FGF20: variants seen among roughly 807,000 people sequenced by gnomAD.
The protein encoded by FGF20 is fibroblast growth factor 20.
In FGF20, 8 loss-of-function variants were observed where a neutral mutation model predicts 16.7. The observed-to-expected ratio is 0.48, with a 90% CI of 0.28 to 0.87. The LOEUF (loss-of-function observed/expected upper bound fraction) is 0.87. FGF20 is among the 40% of genes least tolerant of loss of function. FGF20 has a pLI of 0.10. For synonymous variants in FGF20, 161 were observed against 118.6 expected, an observed-to-expected ratio of 1.36 and a Z score of -2.32; for missense variants, 397 against 281.4, an observed-to-expected ratio of 1.41 and a Z score of -2.94.
At chr8:16,995,622 A>G (rs36060918) in intron 2 of FGF20, 33 bp downstream of exon 2, 5 of 926,682 alleles carry the variant, frequency 5.4e-6, no homozygotes, top group African/African-American at 5.1e-5. Context: ...TTTAAGAATT[A>G]CAATAATAAT....
chr8:17,001,814 G>T lies in FGF20; in HGVS notation c.219C>A (p.Thr73=). The change falls in exon 1 of 3, where the codon ACC becomes ACA. Residue 73 remains threonine, a synonymous_variant. Coordinates refer to ENST00000180166, the MANE Select transcript of FGF20 (RefSeq NM_019851.3). ...ILRRRQLYCR[T]GFHLQILPDG... is the part of the protein sequence containing the mutation. ...CGGGCAGGATCTGCAGGTGGAAGCCGGTGCGGCAATAGAGCTGCCGGCGGC... is the reference window on the plus strand; with the variant it reads ...CGGGCAGGATCTGCAGGTGGAAGCCTGTGCGGCAATAGAGCTGCCGGCGGC... 6.4e-7 allele frequency: 1 copy of T among 1,554,940 alleles called. No individual in the cohort carries two copies. The highest frequency in any genetic ancestry group is 8.7e-7 in the Non-Finnish European group (1 of 1,155,304).
chr8:17,001,668 A>C, intron 1 of FGF20, 79 bp downstream of exon 1: 1 of 1,413,580 alleles, frequency 7.1e-7, no homozygotes, highest in Non-Finnish European at 9.3e-7. Flanking sequence ...TTGGCAGGCA[A>C]AGAGGGAGGT....
chr8:16,999,403 G>C (rs189444326), intron 1 of FGF20, among the ~76,000 whole-genome samples: 1 of 151,352 alleles, frequency 6.6e-6, no homozygotes, highest in African/African-American at 2.4e-5. Flanking sequence ...ATGTTATCAA[G>C]TCTACAAATA....
In FGF20 at chr8:16,993,179, C is replaced by G. The variant is rs1360206014; in HGVS notation, c.529G>C (p.Asp177His). 3.1e-6 allele frequency: 5 copies of G among 1,613,974 alleles called. No homozygotes were observed. The highest frequency in any genetic ancestry group is 4.2e-6 in the Non-Finnish European group (5 of 1,180,010). Residue 177 changes from aspartate to histidine, a missense_variant, in exon 3 of 3, where the codon GAT becomes CAT. Physicochemically the swap from Asp to His is moderately conservative, Grantham distance 81. Transcript: ENST00000180166. Reference sequence around the variant, plus strand: ...TGATGCCTCTTGGACCTGGCGCCATCTCTTGGAGTTCCGTCTTTGTTAAGT... The same window carrying G: ...TGATGCCTCTTGGACCTGGCGCCATGTCTTGGAGTTCCGTCTTTGTTAAGT... ...VALNKDGTPRDGARSKRHQKF... is the reference protein window; with the variant it reads ...VALNKDGTPRHGARSKRHQKF...
chr8:17,000,546 T>C (rs1810158442), intron 1 of FGF20, among the ~76,000 whole-genome samples: 1 of 152,138 alleles, frequency 6.6e-6, no homozygotes, highest in Admixed American at 6.5e-5. Context: ...GACAAATTAA[T>C]GGTATCTTTT....
chr8:16,992,396 A>G lies in FGF20; in HGVS notation c.*676T>C, dbSNP rs1447913288. On this transcript the variant is annotated 3_prime_UTR_variant, in exon 3 of 3. Transcript: ENST00000180166. ...TCTTTACAGAGCAAGACACCACAATAAAGTAATGGCACAATAACGGAAGTT... is the reference window on the plus strand; with the variant it reads ...TCTTTACAGAGCAAGACACCACAATGAAGTAATGGCACAATAACGGAAGTT... 4 of 152,060 alleles carry G rather than the reference A, an allele frequency of 2.6e-5. No individual in the cohort carries two copies. Among genetic ancestry groups the G allele is most frequent in the Admixed American group, 6.5e-5 (1 of 15,268 alleles). The allele number at this position is 152,060 out of a possible 1,614,324, so 9.4% of individuals were successfully genotyped here. A position where few individuals can be genotyped will look rare whatever the true frequency, so the allele number is the denominator to read the frequency against.
intron 1 of FGF20, among the ~76,000 whole-genome samples, chr8:16,998,023 A>G (rs1310509602): frequency 1.3e-5 from 2 of 152,192 alleles, no homozygotes; most frequent in African/African-American, 4.8e-5. Context: ...TTAAGTGATT[A>G]GAATGTAGAA....
In FGF20 at chr8:16,993,151, T is replaced by A; in HGVS notation, c.557A>T (p.Lys186Ile). 1 of 1,614,102 alleles carries A rather than the reference T, an allele frequency of 6.2e-7. No individual in the cohort carries two copies. The highest frequency in any genetic ancestry group is 2.2e-5 in the East Asian group (1 of 44,868). Residue 186 changes from lysine (K) to isoleucine (I), a missense_variant, in exon 3 of 3, where the codon AAA (lysine) becomes ATA (isoleucine). Lys to Ile is a moderately radical substitution (Grantham distance 102, BLOSUM62 -3). Coordinates refer to ENST00000180166, the MANE Select transcript of FGF20 (RefSeq NM_019851.3). ...TGGTCTAGGTAAGAAATGTGTAAAT[T>A]TCTGATGCCTCTTGGACCTGGCGCC... Reference protein sequence around the residue: ...RDGARSKRHQKFTHFLPRPVD... With the variant: ...RDGARSKRHQIFTHFLPRPVD...
In FGF20 at chr8:17,001,973, C is replaced by T. The variant is rs377477340; in HGVS notation, c.60G>A (p.Gln20=). ...FLGGLEGLGQ[Q]VGSHFLLPPA... ...GAGGCAACAGGAAATGCGAACCCAC[C>T]TGCTGGCCCAAGCCCTCCAGGCCGC... The change falls in exon 1 of 3, where the codon CAG becomes CAA. Residue 20 remains glutamine, a synonymous_variant. Coordinates refer to ENST00000180166, the MANE Select transcript of FGF20 (RefSeq NM_019851.3). 2.1e-5 allele frequency: 32 copies of T among 1,512,738 alleles called. No homozygotes were observed. The highest frequency in any genetic ancestry group is 3.4e-4 in the Middle Eastern group (2 of 5,888). 93.7% of individuals were successfully genotyped at this position (1,512,738 alleles called of 1,614,324 possible).
rs1809943749 is a variant in FGF20, at chr8:16,992,773, G to C, written c.*299C>G. 1 of 236,906 alleles carries C rather than the reference G, an allele frequency of 4.2e-6. No individual in the cohort carries two copies. Among genetic ancestry groups the C allele is most frequent in the Admixed American group, 5.3e-5 (1 of 18,850 alleles). The allele number at this position is 236,906 out of a possible 1,614,324, so 14.7% of individuals were successfully genotyped here. A position where few individuals can be genotyped will look rare whatever the true frequency, so the allele number is the denominator to read the frequency against. The stretch of plus-strand genomic sequence containing the variant: ...AATCCAGAGAGGTGAGGCACCAGCA[G>C]CAACCATGTGAGGGTTCCCATTATC... On this transcript the variant is annotated 3_prime_UTR_variant, in exon 3 of 3. Transcript: ENST00000180166.
chr8:17,001,773 C>T lies in FGF20; in HGVS notation c.260G>A (p.Gly87Asp). The part of the protein sequence containing the change: ...LQILPDGSVQ[G>D]TRQDHSLFGI... ...GAAGAGGCTGTGGTCCTGCCGGGTG[C>T]CCTGCACGCTGCCGTCGGGCAGGAT... The change falls in exon 1 of 3, where the codon GGC (glycine) becomes GAC (aspartate). Residue 87 changes from glycine (G) to aspartate (D), a missense_variant. Coordinates refer to ENST00000180166, the MANE Select transcript of FGF20 (RefSeq NM_019851.3). 2 of 1,575,194 alleles carry T rather than the reference C, an allele frequency of 1.3e-6. No homozygotes were observed. The highest frequency in any genetic ancestry group is 1.7e-6 in the Non-Finnish European group (2 of 1,164,556).
At position 16,992,949 on chromosome 8, in the gene FGF20, G is replaced by T; in HGVS notation, c.*123C>A. ...TTTCTCAATATTCTTTCCAAATCCAGTCTCTCAGTAGAAAATAGACTTTAA... is the reference window on the plus strand; with the variant it reads ...TTTCTCAATATTCTTTCCAAATCCATTCTCTCAGTAGAAAATAGACTTTAA... On this transcript the variant is annotated 3_prime_UTR_variant, in exon 3 of 3. Coordinates refer to ENST00000180166, the MANE Select transcript of FGF20 (RefSeq NM_019851.3). 2 of 1,247,394 alleles carry T rather than the reference G, an allele frequency of 1.6e-6. No homozygotes were observed. Among genetic ancestry groups the T allele is most frequent in the Non-Finnish European group, 2.2e-6 (2 of 905,038 alleles). The allele number at this position is 1,247,394 out of a possible 1,614,324, so 77.3% of individuals were successfully genotyped here.
At chr8:16,997,369 C>A (rs6421425) in intron 1 of FGF20, among the ~76,000 whole-genome samples, 124,510 of 152,148 alleles carry the variant, frequency 0.82, 51,472 homozygotes, top group East Asian at 1. Context: ...AATGTGTACC[C>A]TTTAGCCTGA....
Position 16,993,187 on chromosome 8 carries a change from G to A in FGF20, c.521C>T (p.Thr174Ile). The change falls in exon 3 of 3, where the codon ACT (threonine) becomes ATT (isoleucine). Residue 174 changes from threonine (T) to isoleucine (I), a missense_variant. Coordinates refer to ENST00000180166, the MANE Select transcript of FGF20 (RefSeq NM_019851.3). ...CTTGGACCTGGCGCCATCTCTTGGA[G>A]TTCCGTCTTTGTTAAGTGCCACAAA... is the stretch of plus-strand genomic sequence containing the variant. ...RYFVALNKDG[T>I]PRDGARSKRH... is the part of the protein sequence containing the mutation. 1 of 1,614,056 alleles carries A rather than the reference G, an allele frequency of 6.2e-7. No individual in the cohort carries two copies. The highest frequency in any genetic ancestry group is 8.5e-7 in the Non-Finnish European group (1 of 1,180,006).
Position 16,992,854 on chromosome 8 carries a change from C to T in FGF20, c.*218G>A, listed in dbSNP as rs560503402. 8 of 542,878 alleles carry T rather than the reference C, an allele frequency of 1.5e-5. No homozygotes were observed. In the Admixed American group the frequency reaches 1.7e-4, roughly 12 times the overall value. The allele number at this position is 542,878 out of a possible 1,614,324, so 33.6% of individuals were successfully genotyped here. ...ACTGGTAAGGACTAATCCAATGTAT[C>T]TAAGGGAACTTAATCCACATATAAA... On this transcript the variant is annotated 3_prime_UTR_variant, in exon 3 of 3. Transcript: ENST00000180166.
At position 17,001,673 on chromosome 8, in the gene FGF20, G is replaced by A. The variant is rs949671105; in HGVS notation, c.286+74C>T. 2.8e-6 allele frequency: 4 copies of A among 1,431,582 alleles called. No homozygotes were observed. The Admixed American group carries it at 1.0e-4, about 36-fold the overall frequency. The allele number at this position is 1,431,582 out of a possible 1,614,324, so 88.7% of individuals were successfully genotyped here. Reference sequence around the variant, plus strand: ...GATGACGCCCTTGGCAGGCAAAGAGGGAGGTGCAAGGGGAGGGAACGAGGA... The same window carrying A: ...GATGACGCCCTTGGCAGGCAAAGAGAGAGGTGCAAGGGGAGGGAACGAGGA... On this transcript the variant is annotated intron_variant, in intron 1 of 2. Transcript: ENST00000180166.
At chr8:16,993,633 T>G (rs943448597) in intron 2 of FGF20, among the ~76,000 whole-genome samples, 4 of 152,156 alleles carry the variant, frequency 2.6e-5, no homozygotes, top group African/African-American at 9.7e-5. Flanking sequence ...TTACATTTAT[T>G]GTGTACTTCA....
rs1223992114 is a variant in FGF20 at position 16,992,896 on chromosome 8, T to C, written c.*176A>G. ...ACATATAAAGAGTGATCATGATCTA[T>C]TTCTAGTCAAAATTTTTTTTGGTTT... On this transcript the variant is annotated 3_prime_UTR_variant, in exon 3 of 3. Coordinates refer to ENST00000180166, the MANE Select transcript of FGF20 (RefSeq NM_019851.3). 6 of 693,594 alleles carry C rather than the reference T, an allele frequency of 8.7e-6. No individual in the cohort carries two copies. The highest frequency in any genetic ancestry group is 8.3e-5 in the East Asian group (3 of 35,932). The allele number at this position is 693,594 out of a possible 1,614,324, so 43.0% of individuals were successfully genotyped here.
chr8:17,000,315 G>A (rs1409764287), intron 1 of FGF20, among the ~76,000 whole-genome samples: 1 of 152,152 alleles, frequency 6.6e-6, no homozygotes. Flanking sequence ...AATTTTCTAA[G>A]CCTTTAAGTG....
Sources: allele counts gnomAD v4.1 joint callset (sites outside exome capture counted in the v4.1 genomes callset), GRCh38; gene constraint gnomAD v4.1.1; transcripts MANE v1.5; gene names NCBI Gene and HGNC (gene_info 2026-07-23, HGNC 2026-07-21).